The following RNF213 variants were observed in gnomAD, a reference collection of about 807,000 sequenced individuals.
RNF213 encodes E3 ubiquitin-protein ligase RNF213.
A neutral mutation model predicts 514.4 loss-of-function variants in RNF213; 341 were observed. The ratio of observed to expected loss-of-function variants is 0.66; its 90% CI spans 0.61 to 0.73. RNF213 has a LOEUF of 0.73. Ranked by LOEUF, RNF213 falls within the 30% of genes least tolerant of loss-of-function variation. The pLI is 0.00. For synonymous variants in RNF213, 2,655 were observed against 2,658.2 expected, an observed-to-expected ratio of 1.00 and a Z score of 0.04; for missense variants, 5,767 against 6,615.6, an observed-to-expected ratio of 0.87 and a Z score of 4.45.
intron 29 of RNF213, among the ~76,000 whole-genome samples, chr17:80,349,500 GC>G (rs1431473796): frequency 6.6e-6 from 1 of 152,178 alleles, no homozygotes; most frequent in Non-Finnish European, 1.5e-5. Context: ...TACGGACCAA[GC>G]AGGCAGAGAC....
intron 7 of RNF213, 113 bp downstream of exon 7, chr17:80,290,841 G>A (rs754926840): frequency 1.9e-4 from 230 of 1,229,822 alleles, no homozygotes; most frequent in Non-Finnish European, 2.4e-4. Context: ...ACGGAGTCTT[G>A]CTGTGTCACC....
At chr17:80,266,691 G>A (rs1190359653) in intron 2 of RNF213, among the ~76,000 whole-genome samples, 4 of 151,656 alleles carry the variant, frequency 2.6e-5, no homozygotes, top group Admixed American at 1.3e-4. Context: ...TAGTAGAGAC[G>A]GCGTTTCACC....
At chr17:80,324,169 T>C (rs1001701696) in intron 17 of RNF213, among the ~76,000 whole-genome samples, 5 of 152,268 alleles carry the variant, frequency 3.3e-5, no homozygotes, top group Non-Finnish European at 5.9e-5. Flanking sequence ...TGTCTTGTTC[T>C]GATCTTAAGA....
chr17:80,363,379 G>A (rs1408269343), intron 40 of RNF213, 65 bp downstream of exon 40: 2 of 1,508,450 alleles, frequency 1.3e-6, no homozygotes, highest in African/African-American at 2.8e-5. Flanking sequence ...TCTGGGAATG[G>A]AGAGCTTCTG....
chr17:80,338,733 G>A (rs1364699583), intron 25 of RNF213, among the ~76,000 whole-genome samples: 1 of 151,776 alleles, frequency 6.6e-6, no homozygotes, highest in African/African-American at 2.4e-5. Flanking sequence ...CCTATCACTT[G>A]AGGTCAGGTG....
intron 29 of RNF213, among the ~76,000 whole-genome samples, chr17:80,349,136 A>C (rs55692616): frequency 0.39 from 59,739 of 151,988 alleles, 12,668 homozygotes; most frequent in Non-Finnish European, 0.46. Flanking sequence ...GACCCCCTGG[A>C]TTCCTCCTTA....
chr17:80,337,421 C>G, intron 23 of RNF213, 165 bp from the exon 24 acceptor site: 1 of 794,310 alleles, frequency 1.3e-6, no homozygotes, highest in Non-Finnish European at 2.0e-6. Context: ...CAGGGTGGCA[C>G]CTGGTCCAGC....
chr17:80,355,377 C>CGG (rs2078710000), intron 36 of RNF213: 1 of 321,734 alleles, frequency 3.1e-6, no homozygotes, highest in African/African-American at 2.9e-5. Flanking sequence ...TGGGAGCTTA[C>CGG]AGGGGAAGAA....
At chr17:80,386,572 C>T in intron 62 of RNF213, 118 bp from the exon 63 acceptor site, 2 of 1,411,090 alleles carry the variant, frequency 1.4e-6, no homozygotes, top group Non-Finnish European at 2.0e-6. Context: ...CCGCCCCATA[C>T]TTGGGTAGGG....
Position 80,346,013 on chromosome 17 carries a change from C to T in RNF213, c.7678C>T (p.Pro2560Ser). The stretch of plus-strand genomic sequence containing the variant: ...GACGGCCGACAGGCTGGGCTCCATT[C>T]CTCTGAGGCAGCTGGTATACCGGGT... ...EETADRLGSI[P>S]LRQLVYRVHA... is the part of the protein sequence containing the mutation. Residue 2560 changes from proline (P) to serine (S), a missense_variant, in exon 29 of 68, where the codon CCT becomes TCT. This residue lies in a region of RNF213 where 1,377 missense variants were observed against 1,635.2 expected (regional missense o/e 0.84). Transcript: ENST00000582970. The surrounding 1 kb of genome is among the most constrained non-coding windows in gnomAD (Gnocchi z 8.1). 1 of 1,614,202 alleles carries T rather than the reference C, an allele frequency of 6.2e-7. No homozygotes were observed. The highest frequency in any genetic ancestry group is 8.5e-7 in the Non-Finnish European group (1 of 1,180,038).
chr17:80,354,380 C>T, intron 35 of RNF213, 61 bp from the exon 36 acceptor site: 1 of 1,612,556 alleles, frequency 6.2e-7, no homozygotes, highest in Non-Finnish European at 8.5e-7. Flanking sequence ...GGGACAGAAG[C>T]ACTCCGGAGC....
Position 80,363,310 on chromosome 17 carries a change from A to C in RNF213, c.11564A>C (p.Glu3855Ala). The change falls in exon 40 of 68, where the codon GAG (glutamate) becomes GCG (alanine). Residue 3855 changes from glutamate (E) to alanine (A), a missense_variant. Transcript: ENST00000582970. ...ARWNHELAGC[E>A]MTLDAFAAMA... ...TGGAACCATGAGCTGGCTGGATGTG[A>C]GATGGTATGGCCCTCCTCCGCCTGC... 6.2e-7 allele frequency: 1 copy of C among 1,613,672 alleles called. No individual in the cohort carries two copies. Among genetic ancestry groups the C allele is most frequent in the South Asian group, 1.1e-5 (1 of 91,072 alleles).
chr17:80,380,999 T>A lies in RNF213; in HGVS notation c.13797+12T>A. 1 of 1,614,190 alleles carries A rather than the reference T, an allele frequency of 6.2e-7. No homozygotes were observed. Among genetic ancestry groups the A allele is most frequent in the Non-Finnish European group, 8.5e-7 (1 of 1,180,012 alleles). On this transcript the variant is annotated intron_variant, in intron 56 of 67. Transcript: ENST00000582970. ...CCCAGAGTTCCCAGGTATAACCCAGTGCTGCCAAACAATGGGCTCAGTTAA... is the reference window on the plus strand; with the variant it reads ...CCCAGAGTTCCCAGGTATAACCCAGAGCTGCCAAACAATGGGCTCAGTTAA...
intron 20 of RNF213, among the ~76,000 whole-genome samples, chr17:80,330,566 CCTCT>C (rs1238173188): frequency 2.6e-5 from 4 of 152,198 alleles, no homozygotes; most frequent in Non-Finnish European, 4.4e-5. Flanking sequence ...CCGCCACCTC[CCTCT>C]GTCTCCTGTG....
intron 56 of RNF213, 191 bp from the exon 57 acceptor site, chr17:80,381,356 G>GT (rs2079993925): frequency 3.0e-6 from 2 of 677,190 alleles, no homozygotes; most frequent in African/African-American, 1.8e-5. Flanking sequence ...TTATCTCACT[G>GT]TAACAACAGA....
intron 32 of RNF213, chr17:80,352,649 A>G: frequency 1.6e-6 from 1 of 606,782 alleles, no homozygotes; most frequent in Non-Finnish European, 3.0e-6. Flanking sequence ...ACAACAATGC[A>G]TGGGTGAAAG....
chr17:80,371,240 G>C (rs1027742969), intron 46 of RNF213, among the ~76,000 whole-genome samples: 1 of 152,212 alleles, frequency 6.6e-6, no homozygotes, highest in African/African-American at 2.4e-5. Context: ...CTCTAGACAT[G>C]ACCATTTATC....
Position 80,334,550 on chromosome 17 carries a change from C to G in RNF213, c.4309+280C>G, listed in dbSNP as rs144130028. On this transcript the variant is annotated intron_variant, in intron 22 of 67. Coordinates refer to ENST00000582970, the MANE Select transcript of RNF213 (RefSeq NM_001256071.3). ...AGGTTCCTTTTCCTTAAAATCTTGCCCCCTTCAGCTTTTTCTTCCAGTAGA... is the reference window on the plus strand; with the variant it reads ...AGGTTCCTTTTCCTTAAAATCTTGCGCCCTTCAGCTTTTTCTTCCAGTAGA... 9.9e-3 allele frequency among the ~76,000 whole-genome samples: 1,510 copies of G among 152,198 alleles called. 29 individuals are homozygous for G. Among genetic ancestry groups the G allele is most frequent in the African/African-American group, 0.034 (1,402 of 41,528 alleles).
rs112401479 is a variant in RNF213, at chr17:80,348,062, A to G, written c.9727A>G (p.Thr3243Ala). 1.2e-3 allele frequency: 2,007 copies of G among 1,614,136 alleles called. 30 individuals are homozygous for G. In the African/African-American group the frequency reaches 0.023, roughly 19 times the overall value. The change falls in exon 29 of 68, where the codon ACG (threonine) becomes GCG (alanine). Residue 3243 changes from threonine (T) to alanine (A), a missense_variant. Thr to Ala is a moderately conservative substitution (Grantham distance 58). This residue lies in a region of RNF213 where 919 missense variants were observed against 1,121.0 expected (regional missense o/e 0.82). Transcript: ENST00000582970. ...VIERQGPRAL[T>A]EELHQKVSEE... ...AGAGAGGCAGGGTCCCCGGGCCTTG[A>G]CGGAGGAACTTCACCAGAAGGTGTC...
Sources: gnomAD v4.1 joint callset for allele counts (sites outside exome capture counted in the v4.1 genomes callset) on GRCh38, gnomAD v4.1.1 for gene constraint, gnomAD v4.1.1 regional missense constraint, Gnocchi (gnomAD v3.1) non-coding constraint, MANE v1.5 for transcripts, NCBI Gene and HGNC (gene_info 2026-07-23, HGNC 2026-07-21) for gene names.